LYRM1: variants seen among roughly 807,000 people sequenced by gnomAD.
LYRM1 encodes the protein LYR motif containing 1.
A neutral mutation model predicts 14.9 loss-of-function variants in LYRM1; 14 were observed. That is an observed-to-expected ratio of 0.94 (90% CI 0.62 to 1.47). LYRM1 has a LOEUF of 1.47. Ranked by LOEUF, LYRM1 falls within the 40% of genes most tolerant of loss-of-function variation. The pLI is 0.00. For synonymous variants in LYRM1, 43 were observed against 56.2 expected (o/e 0.77, Z 1.05); for missense variants, 153 against 149.9 (o/e 1.02, Z -0.11).
chr16:20,918,808 G>A (rs561158290), intron 2 of LYRM1, among the ~76,000 whole-genome samples: 2 of 152,292 alleles, frequency 1.3e-5, no homozygotes, highest in South Asian at 4.1e-4. Flanking sequence ...TTCCAACACA[G>A]ACAGCAAATC....
intron 3 of LYRM1, chr16:20,920,608 C>A: frequency 4.5e-6 from 1 of 219,976 alleles, no homozygotes; most frequent in Non-Finnish European, 9.2e-6. Context: ...CTCATCCAGG[C>A]TAGGCACTGC....
chr16:20,906,003 A>G (rs1185321282), intron 1 of LYRM1, among the ~76,000 whole-genome samples: 1 of 152,194 alleles, frequency 6.6e-6, no homozygotes, highest in African/African-American at 2.4e-5. Context: ...TATTCTTCTA[A>G]TACATATTTG....
chr16:20,911,994 C>T (rs908341551), intron 1 of LYRM1, among the ~76,000 whole-genome samples: 2 of 151,962 alleles, frequency 1.3e-5, no homozygotes, highest in Non-Finnish European at 2.9e-5. Context: ...TCAGTCTTGG[C>T]TTGTAGTGCA....
intron 1 of LYRM1, among the ~76,000 whole-genome samples, chr16:20,903,590 T>C (rs138551824): frequency 1.1e-4 from 16 of 152,310 alleles, no homozygotes; most frequent in African/African-American, 2.6e-4. Context: ...TTGGTCAGCA[T>C]TGGACTGGAG....
At chr16:20,920,931 A>T (rs1438930192) in intron 3 of LYRM1, among the ~76,000 whole-genome samples, 12 of 88,364 alleles carry the variant, frequency 1.4e-4, no homozygotes, top group East Asian at 2.2e-4. Flanking sequence ...AATTTAAAAT[A>T]AAAAAATTAT....
At chr16:20,913,894 C>T (rs1017173498) in intron 1 of LYRM1, among the ~76,000 whole-genome samples, 4 of 151,924 alleles carry the variant, frequency 2.6e-5, no homozygotes, top group East Asian at 1.9e-4. Context: ...CTGCAAGCTC[C>T]GCCTCCCGGG....
chr16:20,913,066 CAAAAATAAT>C (rs998176931), intron 1 of LYRM1, among the ~76,000 whole-genome samples: 4 of 114,404 alleles, frequency 3.5e-5, no homozygotes, highest in Non-Finnish European at 6.9e-5. Context: ...AACTCTGTCT[CAAAAATAAT>C]AATAATAATA....
intron 3 of LYRM1, 73 bp downstream of exon 3, chr16:20,920,287 CAA>C: frequency 1.8e-6 from 2 of 1,142,254 alleles, no homozygotes; most frequent in Non-Finnish European, 2.7e-6. Context: ...GAATGTGTAA[CAA>C]GAGGGCGAGT....
At chr16:20,922,936 G>A (rs1053796737) in intron 3 of LYRM1, among the ~76,000 whole-genome samples, 3 of 152,134 alleles carry the variant, frequency 2.0e-5, no homozygotes, top group African/African-American at 7.2e-5. Context: ...AGGGGCCAAT[G>A]GTAGAAATCC....
At chr16:20,922,618 T>A (rs545588361) in intron 3 of LYRM1, among the ~76,000 whole-genome samples, 1 of 152,110 alleles carries the variant, frequency 6.6e-6, no homozygotes, top group Non-Finnish European at 1.5e-5. Context: ...CCCTCCCAAG[T>A]AGCTGGGATT....
intron 3 of LYRM1, among the ~76,000 whole-genome samples, chr16:20,923,138 C>T (rs1294195175): frequency 6.6e-6 from 1 of 152,144 alleles, no homozygotes; most frequent in Non-Finnish European, 1.5e-5. Flanking sequence ...TCCAGAAACA[C>T]CCTCACAGAT....
At chr16:20,904,224 T>C (rs1378520988) in intron 1 of LYRM1, among the ~76,000 whole-genome samples, 1 of 152,188 alleles carries the variant, frequency 6.6e-6, no homozygotes, top group Non-Finnish European at 1.5e-5. Flanking sequence ...TAGCTGTATA[T>C]CTATTGGTTG....
At chr16:20,912,714 T>G (rs1021772053) in intron 1 of LYRM1, among the ~76,000 whole-genome samples, 1 of 152,032 alleles carries the variant, frequency 6.6e-6, no homozygotes, top group African/African-American at 2.4e-5. Flanking sequence ...CATGGATGAA[T>G]CTTATGAATG....
chr16:20,921,301 G>C (rs1244485665), intron 3 of LYRM1: 1 of 152,268 alleles, frequency 6.6e-6, no homozygotes, highest in African/African-American at 2.4e-5. Flanking sequence ...GTGTTGCCCA[G>C]GCTGGTCTTG....
At chr16:20,917,443 G>T (rs1486968228) in intron 2 of LYRM1, among the ~76,000 whole-genome samples, 3 of 151,766 alleles carry the variant, frequency 2.0e-5, no homozygotes, top group African/African-American at 7.3e-5. Context: ...GGGGCTGTGG[G>T]CTCAGAAATA....
At chr16:20,921,086 T>A (rs953395496) in intron 3 of LYRM1, among the ~76,000 whole-genome samples, 1 of 151,806 alleles carries the variant, frequency 6.6e-6, no homozygotes, top group Admixed American at 6.6e-5. Context: ...TAAAAGAAGT[T>A]TTATTTATTT....
chr16:20,912,306 G>C (rs2152540285), intron 1 of LYRM1, among the ~76,000 whole-genome samples: 1 of 150,954 alleles, frequency 6.6e-6, no homozygotes, highest in Admixed American at 6.6e-5. Flanking sequence ...GTCTCACTCT[G>C]TCACCCAGGC....
At chr16:20,904,787 T>C (rs2082241782) in intron 1 of LYRM1, among the ~76,000 whole-genome samples, 1 of 151,156 alleles carries the variant, frequency 6.6e-6, no homozygotes, top group African/African-American at 2.4e-5. Context: ...TTAAAGGTTA[T>C]TGGATTGGGG....
In LYRM1 at chr16:20,915,373, T is replaced by C. The variant is rs145331289; in HGVS notation, c.1-183T>C. Among the ~76,000 whole-genome samples, 1,180 of 148,056 alleles carry C rather than the reference T, an allele frequency of 8.0e-3. 14 individuals are homozygous for C. Among genetic ancestry groups the C allele is most frequent in the African/African-American group, 0.028 (1,115 of 39,930 alleles). ...TACTCGGGCGGCTGAGGCAGGAGAA[T>C]GGCGTGAACCCGGGAGGCGGAGCTT... On this transcript the variant is annotated intron_variant, in intron 1 of 3. Transcript: ENST00000567954.
Sources: gnomAD v4.1 joint callset for allele counts (sites outside exome capture counted in the v4.1 genomes callset) on GRCh38, gnomAD v4.1.1 for gene constraint, MANE v1.5 for transcripts, NCBI Gene and HGNC (gene_info 2026-07-23, HGNC 2026-07-21) for gene names.